DPP8: variants seen among roughly 807,000 people sequenced by gnomAD.
The protein encoded by DPP8 is dipeptidyl peptidase 8.
In DPP8, 31 loss-of-function variants were observed where a neutral mutation model predicts 107.5. The ratio of observed to expected loss-of-function variants is 0.29; its 90% CI spans 0.22 to 0.39. DPP8 has a LOEUF of 0.39. Among genes scored for constraint, DPP8 ranks in the 10% least tolerant of loss-of-function variants. DPP8 has a pLI of 1.00. For synonymous variants in DPP8, 381 were observed against 356.6 expected (o/e 1.07, Z -0.77); for missense variants, 842 against 1,076.1 (o/e 0.78, Z 3.04).
At chr15:65,458,371 G>A (rs1053258840) in intron 15 of DPP8, among the ~76,000 whole-genome samples, 3 of 151,896 alleles carry the variant, frequency 2.0e-5, no homozygotes, top group African/African-American at 4.8e-5. Context: ...AGCAATTCTC[G>A]TGCCTCAGCC....
Position 65,471,057 on chromosome 15 carries a change from G to A in DPP8, c.1536+3152C>T, listed in dbSNP as rs540268271. Among the ~76,000 whole-genome samples the A allele has an allele frequency of 4.6e-5, 7 of 152,264 alleles. No individual in the cohort carries two copies. In the East Asian group the frequency reaches 7.7e-4, roughly 17 times the overall value. On this transcript the variant is annotated intron_variant, in intron 12 of 19. Coordinates refer to ENST00000300141, the MANE Select transcript of DPP8 (RefSeq NM_130434.5). ...TAGGTGACTCAAATAAGGATCAGAT[G>A]TATGCAATTACAATTATTGGGGTTC...
intron 12 of DPP8, among the ~76,000 whole-genome samples, chr15:65,470,313 T>C (rs1235673732): frequency 2.1e-5 from 3 of 144,824 alleles, no homozygotes; most frequent in African/African-American, 7.7e-5. Flanking sequence ...AAATCAAGAA[T>C]AGAGGGAAAG....
At chr15:65,462,039 G>A (rs768526542) in intron 15 of DPP8, among the ~76,000 whole-genome samples, 8 of 152,004 alleles carry the variant, frequency 5.3e-5, no homozygotes, top group Non-Finnish European at 1.2e-4. Context: ...CACAATCTCA[G>A]CTCACTGCAA....
intron 15 of DPP8, among the ~76,000 whole-genome samples, chr15:65,456,989 T>C (rs1404018398): frequency 1.3e-5 from 2 of 152,194 alleles, no homozygotes; most frequent in African/African-American, 4.8e-5. Context: ...TCCTTCTCAA[T>C]GTTTGTAACC....
Position 65,446,310 on chromosome 15 carries a change from T to C in DPP8, c.*574A>G, listed in dbSNP as rs1350379120. The C allele has an allele frequency of 1.3e-5, 2 of 152,500 alleles. No individual in the cohort carries two copies. The highest frequency in any genetic ancestry group is 2.9e-5 in the Non-Finnish European group (2 of 68,018). The allele number at this position is 152,500 out of a possible 1,614,324, so 9.4% of individuals were successfully genotyped here. A position where few individuals can be genotyped will look rare whatever the true frequency, so the allele number is the denominator to read the frequency against. ...TGGTCAGTGCCAAAACAAGTGTCTT[T>C]AGGAGGCCACTAAGTTATCCTTGAA... On this transcript the variant is annotated 3_prime_UTR_variant, in exon 20 of 20. Coordinates refer to ENST00000300141, the MANE Select transcript of DPP8 (RefSeq NM_130434.5).
At chr15:65,455,811 G>C in intron 16 of DPP8, 1 of 1,290,420 alleles carries the variant, frequency 7.7e-7, no homozygotes, top group Non-Finnish European at 1.0e-6. Flanking sequence ...AAGGACATGG[G>C]GCATCTCTAA....
In DPP8 at chr15:65,480,207, G is replaced by A. The variant is rs1285821099; in HGVS notation, c.1296+15C>T. On this transcript the variant is annotated intron_variant, in intron 10 of 19. Transcript: ENST00000300141. ...CTGAGAAAATATTTAAACAAATACA[G>A]GAAAAAATGCATACATTTATCCAGA... 6 of 1,595,350 alleles carry A rather than the reference G, an allele frequency of 3.8e-6. No individual in the cohort carries two copies. The highest frequency in any genetic ancestry group is 1.1e-5 in the South Asian group (1 of 89,232).
intron 11 of DPP8, among the ~76,000 whole-genome samples, chr15:65,474,601 C>T (rs2066214395): frequency 6.6e-6 from 1 of 152,144 alleles, no homozygotes; most frequent in South Asian, 2.1e-4. Context: ...CCACCTCAGC[C>T]TCCTGAGTAG....
At chr15:65,495,447 T>C (rs2068486569) in intron 5 of DPP8, among the ~76,000 whole-genome samples, 1 of 151,510 alleles carries the variant, frequency 6.6e-6, no homozygotes, top group African/African-American at 2.4e-5. Context: ...CTACTAAAAA[T>C]ACAAAAATTA....
intron 17 of DPP8, among the ~76,000 whole-genome samples, chr15:65,452,689 T>A (rs573498087): frequency 6.6e-6 from 1 of 152,094 alleles, no homozygotes; most frequent in Admixed American, 6.6e-5. Flanking sequence ...TAAAAATTAA[T>A]GGTCAGGTGC....
rs368311904 is a variant in DPP8 at position 65,507,364 on chromosome 15, G to C, written c.260-9C>G. 344 of 1,503,834 alleles carry C rather than the reference G, an allele frequency of 2.3e-4. 1 individual carries two copies. Among genetic ancestry groups the C allele is most frequent in the Non-Finnish European group, 2.9e-4 (320 of 1,091,662 alleles). 93.2% of individuals were successfully genotyped at this position (1,503,834 alleles called of 1,614,324 possible). A position where few individuals can be genotyped will look rare whatever the true frequency, so the allele number is the denominator to read the frequency against. ...GTTCTCACCAGACATGGCTATAGGAGAAAGCAATCATTTATTATTATTTTT... is the reference window on the plus strand; with the variant it reads ...GTTCTCACCAGACATGGCTATAGGACAAAGCAATCATTTATTATTATTTTT... On this transcript the variant is annotated splice_polypyrimidine_tract_variant and intron_variant, in intron 2 of 19. Transcript: ENST00000300141.
chr15:65,506,261 G>A (rs994553775), intron 3 of DPP8, among the ~76,000 whole-genome samples: 16 of 151,726 alleles, frequency 1.1e-4, no homozygotes, highest in South Asian at 2.1e-4. Context: ...CCCGGGAGGC[G>A]GAGGTTGTAG....
chr15:65,476,590 C>T (rs1595955179), intron 11 of DPP8, among the ~76,000 whole-genome samples: 1 of 152,124 alleles, frequency 6.6e-6, no homozygotes, highest in South Asian at 2.1e-4. Flanking sequence ...TAGCCACTAC[C>T]GTTGGTGTTC....
chr15:65,463,857 A>G lies in DPP8; in HGVS notation c.1875T>C (p.Thr625=). 2 of 1,598,708 alleles carry G rather than the reference A, an allele frequency of 1.3e-6. No individual in the cohort carries two copies. Among genetic ancestry groups the G allele is most frequent in the South Asian group, 2.3e-5 (2 of 88,072 alleles). Residue 625 remains threonine, a synonymous_variant, in exon 15 of 20, where the codon ACT becomes ACC. Coordinates refer to ENST00000300141, the MANE Select transcript of DPP8 (RefSeq NM_130434.5). ...GCATCCCATACAATGTAAATCCAGT[A>G]GTACTTTCAAAAGAGAAAATTTCTG... ...TPPEIFSFES[T]TGFTLYGMLY... is the part of the protein sequence containing the mutation.
chr15:65,467,336 CTTTT>C, intron 12 of DPP8, 113 bp from the exon 13 acceptor site: 1 of 954,896 alleles, frequency 1.0e-6, no homozygotes, highest in South Asian at 1.8e-5. Flanking sequence ...CTTCTTTTTT[CTTTT>C]TTTTGCTGCC....
chr15:65,475,555 C>G, intron 11 of DPP8: 1 of 1,281,408 alleles, frequency 7.8e-7, no homozygotes. Flanking sequence ...CATCCCCAGG[C>G]ACTGAATTAG....
intron 1 of DPP8, among the ~76,000 whole-genome samples, chr15:65,514,890 T>A (rs907097617): frequency 2.0e-5 from 3 of 152,216 alleles, no homozygotes; most frequent in Admixed American, 6.5e-5. Flanking sequence ...TTTTCTCAAC[T>A]TCTCTTGTGT....
intron 8 of DPP8, among the ~76,000 whole-genome samples, chr15:65,483,908 G>A (rs1007461347): frequency 9.9e-5 from 15 of 152,118 alleles, no homozygotes; most frequent in Admixed American, 6.6e-5. Flanking sequence ...ATGAAGTATT[G>A]ACACATGGTA....
intron 15 of DPP8, among the ~76,000 whole-genome samples, chr15:65,462,545 A>G (rs2065012796): frequency 6.6e-6 from 1 of 152,102 alleles, no homozygotes; most frequent in Non-Finnish European, 1.5e-5. Context: ...TCAAGAATAA[A>G]CAATTTTAAA....
Sources: allele counts gnomAD v4.1 joint callset (sites outside exome capture counted in the v4.1 genomes callset), GRCh38; gene constraint gnomAD v4.1.1; transcripts MANE v1.5; gene names NCBI Gene and HGNC (gene_info 2026-07-23, HGNC 2026-07-21).